UBLCP1: variants seen among roughly 807,000 people sequenced by gnomAD.
UBLCP1 encodes the protein ubiquitin like domain containing CTD phosphatase 1, also known as ubiquitin-like domain-containing CTD phosphatase 1.
UBLCP1 carries 28 observed loss-of-function variants against 42.4 expected under a neutral mutation model. The ratio of observed to expected loss-of-function variants is 0.66; its 90% CI spans 0.49 to 0.90. The LOEUF is 0.90. Ranked by LOEUF, UBLCP1 falls within the 40% of genes least tolerant of loss-of-function variation. The pLI is 0.00. For missense variants in UBLCP1, 279 were observed against 374.5 expected, an observed-to-expected ratio of 0.75 and a Z score of 2.10; for synonymous variants, 122 against 120.8, an observed-to-expected ratio of 1.01 and a Z score of -0.07.
At chr5:159,270,668 A>G in intron 5 of UBLCP1, 25 bp downstream of exon 5, 1 of 1,400,380 alleles carries the variant, frequency 7.1e-7, no homozygotes, top group South Asian at 1.4e-5. Flanking sequence ...AATGCTTTTC[A>G]TTTTCTGTTA....
At chr5:159,279,474 A>G (rs776305774) in intron 9 of UBLCP1, among the ~76,000 whole-genome samples, 5 of 152,350 alleles carry the variant, frequency 3.3e-5, no homozygotes, top group South Asian at 4.1e-4. Flanking sequence ...CAGTCCTGAC[A>G]CTGAGATGTT....
intron 9 of UBLCP1, among the ~76,000 whole-genome samples, chr5:159,280,970 G>A (rs917236894): frequency 3.9e-5 from 6 of 152,182 alleles, no homozygotes; most frequent in African/African-American, 1.4e-4. Context: ...GAGACAAGAT[G>A]ATGGTTTCCT....
At chr5:159,270,880 CTGTT>C (rs1375093290) in intron 5 of UBLCP1, among the ~76,000 whole-genome samples, 1 of 126,110 alleles carries the variant, frequency 7.9e-6, no homozygotes, top group Non-Finnish European at 1.8e-5. Context: ...ATCTTTTAGA[CTGTT>C]TGTATGGATC....
chr5:159,269,039 C>T lies in UBLCP1; in HGVS notation c.124C>T (p.Arg42Cys), dbSNP rs375712033. Residue 42 changes from arginine (R) to cysteine (C), a missense_variant, in exon 2 of 11, where the codon CGC becomes TGC. Transcript: ENST00000296786. ...GACCCTTACAGGAGTTCTTCCAGAA[C>T]GCCAAAAGTTACTTGGACTCAAAGT... is the stretch of plus-strand genomic sequence containing the variant. Reference protein sequence around the residue: ...LKTLTGVLPERQKLLGLKVKG... With the variant: ...LKTLTGVLPECQKLLGLKVKG... 1.1e-5 allele frequency: 18 copies of T among 1,590,282 alleles called. No individual in the cohort carries two copies. Among genetic ancestry groups the T allele is most frequent in the Middle Eastern group, 1.7e-4 (1 of 6,026 alleles).
In UBLCP1 at chr5:159,285,065, T is replaced by C. The variant is rs1468611634; in HGVS notation, c.*134T>C. Reference sequence around the variant, plus strand: ...GCTTATACTTGGTCTTCCAGTTTTTTGTAAATTTAATTTTATATTTTTTGA... The same window carrying C: ...GCTTATACTTGGTCTTCCAGTTTTTCGTAAATTTAATTTTATATTTTTTGA... On this transcript the variant is annotated 3_prime_UTR_variant, in exon 11 of 11. Transcript: ENST00000296786. 11 of 798,958 alleles carry C rather than the reference T, an allele frequency of 1.4e-5. No individual in the cohort carries two copies. Among genetic ancestry groups the C allele is most frequent in the Admixed American group, 2.9e-5 (1 of 34,666 alleles). The allele number at this position is 798,958 out of a possible 1,614,324, so 49.5% of individuals were successfully genotyped here.
intron 8 of UBLCP1, 71 bp downstream of exon 8, chr5:159,275,317 T>TCC: frequency 8.4e-7 from 1 of 1,194,868 alleles, no homozygotes; most frequent in Non-Finnish European, 1.2e-6. Context: ...TGTTTATACC[T>TCC]ATGGAGTAAA....
intron 6 of UBLCP1, among the ~76,000 whole-genome samples, chr5:159,273,581 TTAA>T (rs1451150485): frequency 1.3e-5 from 2 of 152,190 alleles, no homozygotes; most frequent in African/African-American, 4.8e-5. Flanking sequence ...ATATAGTTAC[TTAA>T]TAATTAGAAA....
intron 9 of UBLCP1, among the ~76,000 whole-genome samples, chr5:159,281,254 C>T (rs561584805): frequency 2.0e-5 from 3 of 152,166 alleles, no homozygotes; most frequent in Non-Finnish European, 4.4e-5. Context: ...TAAATTTGGA[C>T]ACTTTGGTAC....
chr5:159,275,451 C>T lies in UBLCP1; in HGVS notation c.684+205C>T, dbSNP rs192488500. 631 of 340,756 alleles carry T rather than the reference C, an allele frequency of 1.9e-3. 8 individuals are homozygous for T. Among genetic ancestry groups the T allele is most frequent in the African/African-American group, 0.015 (607 of 40,556 alleles). 21.1% of individuals were successfully genotyped at this position (340,756 alleles called of 1,614,324 possible). On this transcript the variant is annotated intron_variant, in intron 8 of 10. Transcript: ENST00000296786. The stretch of plus-strand genomic sequence containing the variant: ...TTTTTGAGATGGAGTCTCATTGTGC[C>T]GCCCAGGCTGGAGTGCAGTGGTGCA...
chr5:159,283,307 C>G lies in UBLCP1; in HGVS notation c.897C>G (p.Asp299Glu). The change falls in exon 10 of 11, where the codon GAC (aspartate) becomes GAG (glutamate). Residue 299 changes from aspartate to glutamate, a missense_variant. Asp to Glu is a conservative substitution (Grantham distance 45). Coordinates refer to ENST00000296786, the MANE Select transcript of UBLCP1 (RefSeq NM_145049.5). ...TCAAGGAGATAGCAAAATTAGATGA[C>G]TTTTTGGATCTAAATCACAAATATT... ...QYLKEIAKLD[D>E]FLDLNHKYWE... is the part of the protein sequence containing the mutation. 1 of 1,598,418 alleles carries G rather than the reference C, an allele frequency of 6.3e-7. No individual in the cohort carries two copies. The highest frequency in any genetic ancestry group is 1.8e-5 in the Admixed American group (1 of 56,636).
At chr5:159,280,059 G>GT (rs2113321538) in intron 9 of UBLCP1, among the ~76,000 whole-genome samples, 1 of 152,244 alleles carries the variant, frequency 6.6e-6, no homozygotes, top group Admixed American at 6.5e-5. Context: ...TTACAGTAGG[G>GT]TTTTTAAAAG....
Position 159,285,533 on chromosome 5 carries a change from G to T in UBLCP1, c.*602G>T, listed in dbSNP as rs1383980508. The T allele has an allele frequency of 6.5e-6, 1 of 152,748 alleles. No individual in the cohort carries two copies. Among genetic ancestry groups the T allele is most frequent in the East Asian group, 1.9e-4 (1 of 5,344 alleles). The allele number at this position is 152,748 out of a possible 1,614,324, so 9.5% of individuals were successfully genotyped here. A position where few individuals can be genotyped will look rare whatever the true frequency, so the allele number is the denominator to read the frequency against. ...TAGTTACATTTCTAAATTCTGAGCG[G>T]TCTCAGTTAGGCCTGTATGTGTGTA... On this transcript the variant is annotated 3_prime_UTR_variant, in exon 11 of 11. Coordinates refer to ENST00000296786, the MANE Select transcript of UBLCP1 (RefSeq NM_145049.5).
At chr5:159,284,849 A>G (rs1349827812) in intron 10 of UBLCP1, 55 bp from the exon 11 acceptor site, 43 of 1,590,544 alleles carry the variant, frequency 2.7e-5, no homozygotes, top group Non-Finnish European at 3.6e-5. Flanking sequence ...AAGTTAGGTT[A>G]TCTTCATGAA....
rs1277957201 is a variant in UBLCP1 at position 159,283,217 on chromosome 5, G to T, written c.807G>T (p.Arg269Ser). 1 of 1,603,904 alleles carries T rather than the reference G, an allele frequency of 6.2e-7. No homozygotes were observed. The highest frequency in any genetic ancestry group is 8.5e-7 in the Non-Finnish European group (1 of 1,176,378). The change falls in exon 10 of 11, where the codon AGG becomes AGT. Residue 269 changes from arginine to serine, a missense_variant. Transcript: ENST00000296786. ...TAATGTTTGTTTCCTAATAGATAAG[G>T]CCTTTTATGAAAGCGCACCTAAATC... Reference protein sequence around the residue: ...LMNPQNGLKIRPFMKAHLNRD... With the variant: ...LMNPQNGLKISPFMKAHLNRD...
chr5:159,284,266 A>G (rs1584742942), intron 10 of UBLCP1, among the ~76,000 whole-genome samples: 1 of 152,182 alleles, frequency 6.6e-6, no homozygotes, highest in African/African-American at 2.4e-5. Flanking sequence ...AACATGTCCA[A>G]GTTTGCTGAT....
At chr5:159,267,677 G>C (rs1437586066) in intron 1 of UBLCP1, among the ~76,000 whole-genome samples, 1 of 152,184 alleles carries the variant, frequency 6.6e-6, no homozygotes, top group Admixed American at 6.5e-5. Context: ...GTTATGAGAG[G>C]GACCCAGGGG....
intron 1 of UBLCP1, 74 bp from the exon 2 acceptor site, chr5:159,268,796 C>T: frequency 9.0e-7 from 1 of 1,107,486 alleles, no homozygotes. Flanking sequence ...TTAAACTGTA[C>T]ACATAAAACT....
At chr5:159,275,300 C>G in intron 8 of UBLCP1, 54 bp downstream of exon 8, 1 of 1,390,084 alleles carries the variant, frequency 7.2e-7, no homozygotes, top group Non-Finnish European at 1.0e-6. Context: ...TTCCAGTGTA[C>G]TTTTTATGTT....
chr5:159,279,283 C>G (rs1163879603), intron 9 of UBLCP1, among the ~76,000 whole-genome samples: 1 of 152,200 alleles, frequency 6.6e-6, no homozygotes, highest in Non-Finnish European at 1.5e-5. Context: ...TCTTAGCATG[C>G]AACTGCATGC....
Sources: allele counts gnomAD v4.1 joint callset (sites outside exome capture counted in the v4.1 genomes callset), GRCh38; gene constraint gnomAD v4.1.1; transcripts MANE v1.5; gene names NCBI Gene and HGNC (gene_info 2026-07-23, HGNC 2026-07-21).